POU3F3: variants seen among roughly 807,000 people sequenced by gnomAD.
POU3F3 encodes POU domain, class 3, transcription factor 3.
POU3F3 carries 1 observed loss-of-function variant against 8.6 expected under a neutral mutation model. The ratio of observed to expected loss-of-function variants is 0.12; its 90% CI spans 0.04 to 0.55. POU3F3 has a LOEUF of 0.55. Among genes scored for constraint, POU3F3 ranks in the 20% least tolerant of loss-of-function variants. POU3F3 has a pLI of 0.91. For missense variants in POU3F3, 577 were observed against 690.7 expected, an observed-to-expected ratio of 0.84 and a Z score of 1.84; for synonymous variants, 418 against 327.4, an observed-to-expected ratio of 1.28 and a Z score of -2.99.
the POU3F3 span, among the ~76,000 whole-genome samples, chr2:104,919,283 C>G: frequency 9.4e-4 from 143 of 152,350 alleles, 2 homozygotes; most frequent in East Asian, 0.016. Context: ...AGGAACTTCC[C>G]TGCACATTGT....
the POU3F3 span, among the ~76,000 whole-genome samples, chr2:104,904,939 T>C: frequency 2.6e-5 from 4 of 152,170 alleles, no homozygotes; most frequent in African/African-American, 9.6e-5. Context: ...GACTTCCCAG[T>C]GAGCTCACGA....
chr2:104,862,494 G>C (rs764418269), downstream of POU3F3, among the ~76,000 whole-genome samples: 2 of 152,138 alleles, frequency 1.3e-5, no homozygotes, highest in Non-Finnish European at 2.9e-5. Flanking sequence ...AGAGGCGGAG[G>C]GGGAGGGGGA....
the POU3F3 span, among the ~76,000 whole-genome samples, chr2:104,873,380 G>C: frequency 2.0e-5 from 3 of 152,066 alleles, no homozygotes; most frequent in African/African-American, 7.2e-5. Context: ...AAGAGGGAGA[G>C]CGAAGGGAAA....
chr2:104,862,353 G>T (rs1676669765), downstream of POU3F3, among the ~76,000 whole-genome samples: 1 of 152,250 alleles, frequency 6.6e-6, no homozygotes, highest in African/African-American at 2.4e-5. Context: ...GTGCGCGCGC[G>T]TGCCGTGTGC....
At chr2:104,909,962 T>C in the POU3F3 span, among the ~76,000 whole-genome samples, 5,641 of 152,222 alleles carry the variant, frequency 0.037, 224 homozygotes, top group East Asian at 0.16. Flanking sequence ...ACTCACTCTT[T>C]AAAAAATTAG....
the POU3F3 span, chr2:104,865,783 A>C: frequency 6.6e-6 from 1 of 152,192 alleles, no homozygotes; most frequent in Non-Finnish European, 1.5e-5. Flanking sequence ...AAGGTCTCAG[A>C]AGGAGGGTGA....
the POU3F3 span, among the ~76,000 whole-genome samples, chr2:104,889,466 A>G: frequency 2.0e-5 from 3 of 152,188 alleles, no homozygotes; most frequent in Non-Finnish European, 4.4e-5. Flanking sequence ...CCCAGTGTGC[A>G]GGTCGGTTGC....
At chr2:104,895,282 T>C in the POU3F3 span, among the ~76,000 whole-genome samples, 1 of 152,326 alleles carries the variant, frequency 6.6e-6, no homozygotes, top group African/African-American at 2.4e-5. Flanking sequence ...TCACTACCAA[T>C]TGCCCACATA....
At chr2:104,906,845 G>A in the POU3F3 span, among the ~76,000 whole-genome samples, 3 of 152,088 alleles carry the variant, frequency 2.0e-5, no homozygotes, top group African/African-American at 4.8e-5. Flanking sequence ...AGCAAGTACT[G>A]GTAGTTCCTT....
chr2:104,855,097 G>T lies in POU3F3; in HGVS notation c.-414G>T, dbSNP rs1279207373. Among the ~76,000 whole-genome samples the T allele has an allele frequency of 6.6e-6, 1 of 151,850 alleles. No homozygotes were observed. The highest frequency in any genetic ancestry group is 1.5e-5 in the Non-Finnish European group (1 of 67,914). ...GTCCCCGCCCCGCCCGGCGAGCCCC[G>T]CTGGAGCGAGCCCAGCGCGCCGGGG... On this transcript the variant is annotated 5_prime_UTR_variant, in exon 1 of 1. Transcript: ENST00000361360.
rs1676597417 is a variant in POU3F3, at chr2:104,857,547, T to C, written c.*534T>C. 1 of 151,210 alleles carries C rather than the reference T, an allele frequency of 6.6e-6. No homozygotes were observed. The highest frequency in any genetic ancestry group is 2.5e-5 in the African/African-American group (1 of 40,418). The allele number at this position is 151,210 out of a possible 1,614,324, so 9.4% of individuals were successfully genotyped here. A position where few individuals can be genotyped will look rare whatever the true frequency, so the allele number is the denominator to read the frequency against. On this transcript the variant is annotated 3_prime_UTR_variant, in exon 1 of 1. Transcript: ENST00000361360. The stretch of plus-strand genomic sequence containing the variant: ...CTTTGAAAAAAAGAGAGAGAGAGAG[T>C]CCCCTTTCCTTTCACTTTCTCCCTC...
At chr2:104,890,077 C>A in the POU3F3 span, among the ~76,000 whole-genome samples, 1 of 152,046 alleles carries the variant, frequency 6.6e-6, no homozygotes, top group Non-Finnish European at 1.5e-5. Context: ...TGTGGTTGAC[C>A]GTCACGGGAC....
At position 104,854,988 on chromosome 2, in the gene POU3F3, C is replaced by T. The variant is rs1676517944; in HGVS notation, c.-523C>T. Among the ~76,000 whole-genome samples, 1 of 152,192 alleles carries T rather than the reference C, an allele frequency of 6.6e-6. No individual in the cohort carries two copies. The highest frequency in any genetic ancestry group is 2.4e-5 in the African/African-American group (1 of 41,454). On this transcript the variant is annotated 5_prime_UTR_variant, in exon 1 of 1. Transcript: ENST00000361360. This position sits in a 1 kb window ranked among gnomAD's most constrained non-coding sequence, Gnocchi z 4.5. ...TTCACTTAGCAGGTGGACGGAGCCC[C>T]GCGACCGGGCAGAGTCCGGGCTCGC... is the stretch of plus-strand genomic sequence containing the variant.
chr2:104,865,463 T>C, the POU3F3 span: 1 of 152,316 alleles, frequency 6.6e-6, no homozygotes, highest in African/African-American at 2.4e-5. Flanking sequence ...GACATTGAGA[T>C]GGAAGCAAAA....
the POU3F3 span, among the ~76,000 whole-genome samples, chr2:104,885,794 CCTTT>C: frequency 7.3e-5 from 11 of 151,318 alleles, no homozygotes; most frequent in African/African-American, 2.2e-4. Flanking sequence ...GCCATTCTTT[CCTTT>C]CTTTCTTTTT....
the POU3F3 span, among the ~76,000 whole-genome samples, chr2:104,871,388 C>T: frequency 2.6e-5 from 4 of 152,082 alleles, no homozygotes; most frequent in South Asian, 6.2e-4. Context: ...GGAAGGAGTG[C>T]GGTAAAAATA....
the POU3F3 span, among the ~76,000 whole-genome samples, chr2:104,886,233 G>A: frequency 3.9e-5 from 6 of 152,072 alleles, no homozygotes; most frequent in African/African-American, 1.4e-4. Flanking sequence ...GTCATGTGAT[G>A]CGTAACAACA....
At chr2:104,916,806 G>T in the POU3F3 span, among the ~76,000 whole-genome samples, 1 of 152,168 alleles carries the variant, frequency 6.6e-6, no homozygotes, top group Non-Finnish European at 1.5e-5. Context: ...ACACTGCTGC[G>T]AAGGTTAATC....
the POU3F3 span, among the ~76,000 whole-genome samples, chr2:104,896,771 C>G: frequency 6.6e-6 from 1 of 152,232 alleles, no homozygotes; most frequent in Non-Finnish European, 1.5e-5. Context: ...CCCCGCCTCT[C>G]CTGGAGAAGC....
Sources: gnomAD v4.1 joint callset for allele counts (sites outside exome capture counted in the v4.1 genomes callset) on GRCh38, gnomAD v4.1.1 for gene constraint, Gnocchi (gnomAD v3.1) non-coding constraint, MANE v1.5 for transcripts, NCBI Gene and HGNC (gene_info 2026-07-23, HGNC 2026-07-21) for gene names.